The following TNFSF4 variants were observed in gnomAD, a reference collection of about 807,000 sequenced individuals.
The protein encoded by TNFSF4 is TNF superfamily member 4, also known as tumor necrosis factor ligand superfamily member 4.
In TNFSF4, 4 loss-of-function variants were observed where a neutral mutation model predicts 7.3. The observed-to-expected ratio is 0.55, with a 90% CI of 0.27 to 1.25. The LOEUF is 1.25. TNFSF4 is among the 50% of genes most tolerant of loss of function. The pLI, the probability that TNFSF4 is intolerant of heterozygous loss-of-function variation, is 0.12. For synonymous variants in TNFSF4, 76 were observed against 83.7 expected (o/e 0.91, Z 0.50); for missense variants, 181 against 208.8 (o/e 0.87, Z 0.82).
chr1:173,300,352 A>C, the TNFSF4 span, among the ~76,000 whole-genome samples: 8 of 151,932 alleles, frequency 5.3e-5, no homozygotes, highest in Admixed American at 2.0e-4. Context: ...AGGAGGAGAG[A>C]AATCCTGTAA....
At chr1:173,325,326 G>C in the TNFSF4 span, among the ~76,000 whole-genome samples, 4 of 152,102 alleles carry the variant, frequency 2.6e-5, no homozygotes, top group Non-Finnish European at 5.9e-5. Context: ...CGAGAACAAA[G>C]ACACAACATA....
chr1:173,236,028 G>C, the TNFSF4 span, among the ~76,000 whole-genome samples: 2 of 152,028 alleles, frequency 1.3e-5, no homozygotes, highest in Non-Finnish European at 2.9e-5. Context: ...CATTTGTTGG[G>C]ACTGGTAGGT....
At chr1:173,256,714 T>C in the TNFSF4 span, among the ~76,000 whole-genome samples, 1 of 152,216 alleles carries the variant, frequency 6.6e-6, no homozygotes, top group Admixed American at 6.5e-5. Flanking sequence ...ATTATCCTAC[T>C]ACTCTATCTT....
chr1:173,346,726 T>C, the TNFSF4 span, among the ~76,000 whole-genome samples: 1 of 152,090 alleles, frequency 6.6e-6, no homozygotes, highest in Non-Finnish European at 1.5e-5. Flanking sequence ...CAATAACTAC[T>C]CTTGGGGAAA....
the TNFSF4 span, among the ~76,000 whole-genome samples, chr1:173,353,332 T>C: frequency 1.3e-5 from 2 of 152,196 alleles, no homozygotes; most frequent in African/African-American, 4.8e-5. Flanking sequence ...AAGTACTAAT[T>C]TGGAGAACTA....
intron 1 of TNFSF4, among the ~76,000 whole-genome samples, chr1:173,190,947 A>G (rs1649451968): frequency 6.6e-6 from 1 of 152,232 alleles, no homozygotes; most frequent in South Asian, 2.1e-4. Context: ...TTTCAGCACT[A>G]GCTTTCCATG....
the TNFSF4 span, among the ~76,000 whole-genome samples, chr1:173,214,377 C>G: frequency 1.2e-4 from 19 of 152,310 alleles, no homozygotes; most frequent in Non-Finnish European, 2.2e-4. Flanking sequence ...AGTTCTGCAT[C>G]TGGCCTAGAT....
the TNFSF4 span, among the ~76,000 whole-genome samples, chr1:173,311,114 G>C: frequency 6.6e-6 from 1 of 151,800 alleles, no homozygotes; most frequent in East Asian, 1.9e-4. Flanking sequence ...TTTTAATGTT[G>C]TTAGTGATCA....
At chr1:173,429,162 CTACTT>C in the TNFSF4 span, among the ~76,000 whole-genome samples, 1 of 152,052 alleles carries the variant, frequency 6.6e-6, no homozygotes, top group African/African-American at 2.4e-5. Flanking sequence ...ACTATTATCT[CTACTT>C]GTATGTATCT....
the TNFSF4 span, among the ~76,000 whole-genome samples, chr1:173,284,678 C>G: frequency 6.6e-6 from 1 of 152,060 alleles, no homozygotes; most frequent in African/African-American, 2.4e-5. Context: ...ATCCTAGGGC[C>G]CTTAAGTAAA....
chr1:173,258,248 G>T, the TNFSF4 span, among the ~76,000 whole-genome samples: 1 of 151,972 alleles, frequency 6.6e-6, no homozygotes, highest in African/African-American at 2.4e-5. Context: ...AACAAAAATG[G>T]TAAGTGAAGT....
chr1:173,396,990 G>T, the TNFSF4 span, among the ~76,000 whole-genome samples: 1 of 152,168 alleles, frequency 6.6e-6, no homozygotes, highest in Non-Finnish European at 1.5e-5. Flanking sequence ...TGAGTGGCAG[G>T]GGCCAAGCAG....
chr1:173,284,379 C>T, the TNFSF4 span, among the ~76,000 whole-genome samples: 1 of 152,186 alleles, frequency 6.6e-6, no homozygotes, highest in Non-Finnish European at 1.5e-5. Context: ...ATCTTCATCA[C>T]ATATAAGTGC....
chr1:173,376,430 A>G, the TNFSF4 span, among the ~76,000 whole-genome samples: 1 of 152,158 alleles, frequency 6.6e-6, no homozygotes, highest in African/African-American at 2.4e-5. Flanking sequence ...CACACACCAG[A>G]GCCTGTTAGG....
At chr1:173,326,340 T>A in the TNFSF4 span, among the ~76,000 whole-genome samples, 1 of 152,176 alleles carries the variant, frequency 6.6e-6, no homozygotes, top group Admixed American at 6.6e-5. Flanking sequence ...AAACTCTCAA[T>A]AAATTAGGTA....
chr1:173,369,164 A>G, the TNFSF4 span, among the ~76,000 whole-genome samples: 1 of 152,200 alleles, frequency 6.6e-6, no homozygotes, highest in African/African-American at 2.4e-5. Flanking sequence ...AAGTGAGGAC[A>G]AAAGGCATCA....
the TNFSF4 span, among the ~76,000 whole-genome samples, chr1:173,380,332 G>A: frequency 3.3e-5 from 5 of 152,052 alleles, no homozygotes; most frequent in Admixed American, 1.3e-4. Flanking sequence ...GCTTGAGGAG[G>A]GAATCAACTC....
chr1:173,366,039 T>C, the TNFSF4 span, among the ~76,000 whole-genome samples: 1 of 152,288 alleles, frequency 6.6e-6, no homozygotes, highest in East Asian at 1.9e-4. Flanking sequence ...GAATGTAAAT[T>C]AGTAAAACCA....
At chr1:173,372,642 G>C in the TNFSF4 span, among the ~76,000 whole-genome samples, 1 of 152,144 alleles carries the variant, frequency 6.6e-6, no homozygotes, top group South Asian at 2.1e-4. Flanking sequence ...GAATCTCACT[G>C]TCTGGACTAC....
Sources: allele counts gnomAD v4.1 joint callset (sites outside exome capture counted in the v4.1 genomes callset), GRCh38; gene constraint gnomAD v4.1.1; transcripts MANE v1.5; gene names NCBI Gene and HGNC (gene_info 2026-07-23, HGNC 2026-07-21).